The following MINDY4 variants were observed in gnomAD, a reference collection of about 807,000 sequenced individuals.
MINDY4 encodes MINDY lysine 48 deubiquitinase 4, also known as probable ubiquitin carboxyl-terminal hydrolase MINDY-4.
MINDY4 carries 68 observed loss-of-function variants against 87.0 expected under a neutral mutation model. That is an observed-to-expected ratio of 0.78 (90% CI 0.64 to 0.96). The LOEUF is 0.96. MINDY4 is among the 40% of genes least tolerant of loss of function. The pLI is 0.00. For missense variants in MINDY4, 919 were observed against 928.2 expected (o/e 0.99, Z 0.13); for synonymous variants, 379 against 363.2 (o/e 1.04, Z -0.50).
chr7:30,819,418 T>A (rs1412540916), intron 5 of MINDY4, among the ~76,000 whole-genome samples: 1 of 152,240 alleles, frequency 6.6e-6, no homozygotes, highest in Non-Finnish European at 1.5e-5. Context: ...TGTGGACTGC[T>A]GTATGGTCAA....
rs911178438 is a variant in MINDY4, at chr7:30,816,495, C to T, written c.1074-12184C>T. Among the ~76,000 whole-genome samples the T allele has an allele frequency of 4.6e-5, 7 of 152,290 alleles. No individual in the cohort carries two copies. In the East Asian group the frequency reaches 5.8e-4, roughly 13 times the overall value. ...GAGTTAAGCTGAGAAACCATCACCC[C>T]GACAGAACAATGGCTTAGGAGGCTG... On this transcript the variant is annotated intron_variant, in intron 5 of 17. Coordinates refer to ENST00000265299, the MANE Select transcript of MINDY4 (RefSeq NM_032222.3).
intron 5 of MINDY4, chr7:30,796,897 C>CAAAAAAAA (rs5883256): frequency 1.4e-5 from 2 of 139,260 alleles, no homozygotes; most frequent in Non-Finnish European, 1.6e-5. Flanking sequence ...GTCATACCCT[C>CAAAAAAAA]AAAAAAAAAA....
intron 9 of MINDY4, among the ~76,000 whole-genome samples, chr7:30,849,613 C>T (rs1002025036): frequency 1.3e-5 from 2 of 152,152 alleles, no homozygotes; most frequent in Non-Finnish European, 2.9e-5. Flanking sequence ...CTCATTCTGC[C>T]CCTCTGACCC....
chr7:30,838,978 G>A (rs1788952290), intron 7 of MINDY4, among the ~76,000 whole-genome samples: 1 of 152,174 alleles, frequency 6.6e-6, no homozygotes, highest in Admixed American at 6.5e-5. Context: ...GGCTAGCTTG[G>A]TTTAAAGATG....
At chr7:30,774,206 C>T (rs979832214) in intron 1 of MINDY4, among the ~76,000 whole-genome samples, 1 of 152,226 alleles carries the variant, frequency 6.6e-6, no homozygotes, top group South Asian at 2.1e-4. Context: ...CCTTCCCCAT[C>T]TAATTTCACT....
intron 12 of MINDY4, among the ~76,000 whole-genome samples, chr7:30,856,244 C>G (rs1035100486): frequency 2.0e-5 from 3 of 152,214 alleles, no homozygotes; most frequent in African/African-American, 7.2e-5. Flanking sequence ...CCTTGCCTGA[C>G]CTCGCCTTTC....
chr7:30,824,757 G>A (rs2158463), intron 5 of MINDY4, among the ~76,000 whole-genome samples: 98,870 of 152,082 alleles, frequency 0.65, 34,078 homozygotes, highest in African/African-American at 0.89. Context: ...TATTTTTTGT[G>A]GAGAGAGGGT....
At chr7:30,866,474 GGCACAGTTGCTGT>G (rs1403716739) in intron 13 of MINDY4, among the ~76,000 whole-genome samples, 21 of 152,148 alleles carry the variant, frequency 1.4e-4, no homozygotes, top group African/African-American at 4.8e-4. Context: ...GTCATTTAGG[GGCACAGTTGCTGT>G]GCACCTGCGG....
intron 11 of MINDY4, among the ~76,000 whole-genome samples, chr7:30,853,006 T>C (rs1439842624): frequency 6.6e-6 from 1 of 152,216 alleles, no homozygotes; most frequent in Non-Finnish European, 1.5e-5. Flanking sequence ...GCCTGTTGGC[T>C]TCCACCTGGC....
chr7:30,845,860 C>A (rs991366636), intron 9 of MINDY4, among the ~76,000 whole-genome samples: 2 of 152,212 alleles, frequency 1.3e-5, no homozygotes, highest in African/African-American at 2.4e-5. Context: ...TTCCATCAGG[C>A]CGGCAGCCGG....
rs1433430834 is a variant in MINDY4 at position 30,850,394 on chromosome 7, C to T, written c.1446-60C>T. Reference sequence around the variant, plus strand: ...GACTGCCTGACCACACTAAGTAGAGCTGCACCATCTCAACCTTGTGTCCAC... The same window carrying T: ...GACTGCCTGACCACACTAAGTAGAGTTGCACCATCTCAACCTTGTGTCCAC... On this transcript the variant is annotated intron_variant, in intron 9 of 17. Coordinates refer to ENST00000265299, the MANE Select transcript of MINDY4 (RefSeq NM_032222.3). 1.4e-5 allele frequency: 20 copies of T among 1,464,458 alleles called. 1 individual carries two copies. In the Admixed American group the frequency reaches 3.8e-4, roughly 28 times the overall value. The allele number at this position is 1,464,458 out of a possible 1,614,324, so 90.7% of individuals were successfully genotyped here.
At position 30,882,381 on chromosome 7, in the gene MINDY4, C is replaced by A. The variant is rs368368484; in HGVS notation, c.2152+20C>A. 1.8e-5 allele frequency: 27 copies of A among 1,479,726 alleles called. No individual in the cohort carries two copies. In the East Asian group the frequency reaches 2.5e-4, roughly 14 times the overall value. The allele number at this position is 1,479,726 out of a possible 1,614,324, so 91.7% of individuals were successfully genotyped here. The stretch of plus-strand genomic sequence containing the variant: ...CCATTGGTGCGGGCCCTCACCCCCC[C>A]ACCCACCCAACCCTGTCCCCAAGGA... On this transcript the variant is annotated intron_variant, in intron 16 of 17. Transcript: ENST00000265299.
intron 17 of MINDY4, among the ~76,000 whole-genome samples, chr7:30,890,887 C>A (rs980211688): frequency 9.2e-5 from 14 of 152,100 alleles, no homozygotes; most frequent in Non-Finnish European, 1.8e-4. Context: ...TTTGGGAGAA[C>A]CTGTTCCCAC....
chr7:30,861,181 A>G (rs7800298), intron 13 of MINDY4, among the ~76,000 whole-genome samples: 15,517 of 152,168 alleles, frequency 0.1, 1,167 homozygotes, highest in African/African-American at 0.2. Context: ...GAGCCCTGCT[A>G]TGGTGTTCGG....
intron 17 of MINDY4, 65 bp downstream of exon 17, chr7:30,883,058 G>A: frequency 1.2e-5 from 18 of 1,528,624 alleles, no homozygotes; most frequent in Non-Finnish European, 1.6e-5. Flanking sequence ...CATGGTTGGG[G>A]GTGGTCAGGC....
At chr7:30,806,639 T>C (rs550881951) in intron 5 of MINDY4, among the ~76,000 whole-genome samples, 24 of 152,400 alleles carry the variant, frequency 1.6e-4, no homozygotes, top group Admixed American at 1.2e-3. Flanking sequence ...TCCTGTGCCC[T>C]TGGGCATGTC....
At chr7:30,781,773 G>A in intron 2 of MINDY4, 1 of 550,266 alleles carries the variant, frequency 1.8e-6, no homozygotes, top group Non-Finnish European at 3.2e-6. Context: ...TTCTTTTAGG[G>A]TAGAGATTTT....
intron 5 of MINDY4, among the ~76,000 whole-genome samples, chr7:30,811,407 C>T (rs1787993360): frequency 6.6e-6 from 1 of 152,192 alleles, no homozygotes; most frequent in African/African-American, 2.4e-5. Flanking sequence ...CAAAATGCTT[C>T]AGCACAAGTG....
At position 30,780,917 on chromosome 7, in the gene MINDY4, T is replaced by G. The variant is rs553206745; in HGVS notation, c.184-1060T>G. Reference sequence around the variant, plus strand: ...ATTTAATCTTAGACAAAATAGTTTTTGTTTTTAATCTCTTACTGAAAAGAA... The same window carrying G: ...ATTTAATCTTAGACAAAATAGTTTTGGTTTTTAATCTCTTACTGAAAAGAA... On this transcript the variant is annotated intron_variant, in intron 2 of 17. Coordinates refer to ENST00000265299, the MANE Select transcript of MINDY4 (RefSeq NM_032222.3). The G allele has an allele frequency of 1.3e-3, 202 of 152,384 alleles. 1 individual carries two copies. Among genetic ancestry groups the G allele is most frequent in the African/African-American group, 4.5e-3 (187 of 41,594 alleles). 9.4% of individuals were successfully genotyped at this position (152,384 alleles called of 1,614,324 possible). A position where few individuals can be genotyped will look rare whatever the true frequency, so the allele number is the denominator to read the frequency against.
Sources: allele counts gnomAD v4.1 joint callset (sites outside exome capture counted in the v4.1 genomes callset), GRCh38; gene constraint gnomAD v4.1.1; transcripts MANE v1.5; gene names NCBI Gene and HGNC (gene_info 2026-07-23, HGNC 2026-07-21).